The following MCTP1 variants were observed in gnomAD, a reference collection of about 807,000 sequenced individuals.
MCTP1 encodes multiple C2 and transmembrane domain containing 1, also known as multiple C2 and transmembrane domain-containing protein 1.
In MCTP1, 69 loss-of-function variants were observed where a neutral mutation model predicts 120.6. The observed-to-expected ratio is 0.57, with a 90% CI of 0.47 to 0.70. The LOEUF (loss-of-function observed/expected upper bound fraction) is 0.70. Ranked by LOEUF, MCTP1 falls within the 30% of genes least tolerant of loss-of-function variation. MCTP1 has a pLI of 0.00. For missense variants in MCTP1, 1,203 were observed against 1,248.8 expected (o/e 0.96, Z 0.55); for synonymous variants, 529 against 493.1 (o/e 1.07, Z -0.96).
At position 95,124,196 on chromosome 5, in the gene MCTP1, G is replaced by A. The variant is rs182622501; in HGVS notation, c.721-106712C>T. ...AAGCTTAGATCTCAGATAAATGAAGGTTTAAGATGAATTTTTACTTCTGAG... is the reference window on the plus strand; with the variant it reads ...AAGCTTAGATCTCAGATAAATGAAGATTTAAGATGAATTTTTACTTCTGAG... On this transcript the variant is annotated intron_variant, in intron 1 of 22. Transcript: ENST00000515393. 2.5e-3 allele frequency among the ~76,000 whole-genome samples: 378 copies of A among 152,234 alleles called. 5 individuals are homozygous for A. Among genetic ancestry groups the A allele is most frequent in the African/African-American group, 8.5e-3 (353 of 41,540 alleles).
chr5:95,272,298 CCTTT>C (rs1562293763), intron 1 of MCTP1, among the ~76,000 whole-genome samples: 1 of 152,112 alleles, frequency 6.6e-6, no homozygotes, highest in African/African-American at 2.4e-5. Context: ...GCCTGATTGT[CCTTT>C]CTTTATTTTC....
At chr5:94,932,653 T>C (rs1815086448) in intron 5 of MCTP1, among the ~76,000 whole-genome samples, 1 of 152,008 alleles carries the variant, frequency 6.6e-6, no homozygotes, top group African/African-American at 2.4e-5. Context: ...ATAAACTAAA[T>C]CATAAAAGCC....
chr5:94,708,810 G>C (rs763585132), intron 21 of MCTP1: 7 of 461,034 alleles, frequency 1.5e-5, no homozygotes, highest in Non-Finnish European at 2.4e-5. Flanking sequence ...TTCCAAGCAG[G>C]AAAGGCTTTC....
chr5:95,074,748 T>C (rs972298376), intron 1 of MCTP1, among the ~76,000 whole-genome samples: 1 of 152,160 alleles, frequency 6.6e-6, no homozygotes, highest in Non-Finnish European at 1.5e-5. Context: ...AAATATGTCC[T>C]TCCAAAAAAT....
chr5:94,849,179 A>T (rs140825486), intron 17 of MCTP1, among the ~76,000 whole-genome samples: 2,379 of 152,190 alleles, frequency 0.016, 42 homozygotes, highest in Non-Finnish European at 0.021. Context: ...GGAATTAGAC[A>T]CTCATCGGTG....
At chr5:95,219,125 T>C (rs1753373772) in intron 1 of MCTP1, among the ~76,000 whole-genome samples, 1 of 152,192 alleles carries the variant, frequency 6.6e-6, no homozygotes, top group East Asian at 1.9e-4. Context: ...CTCACGCCTG[T>C]AATCCCAGCA....
At chr5:95,034,632 C>T (rs1408876513) in intron 1 of MCTP1, among the ~76,000 whole-genome samples, 1 of 151,678 alleles carries the variant, frequency 6.6e-6, no homozygotes, top group Non-Finnish European at 1.5e-5. Flanking sequence ...TAGAAGAAAC[C>T]CTAGGAAAAA....
At chr5:94,711,397 T>C (rs1278688624) in intron 20 of MCTP1, among the ~76,000 whole-genome samples, 18 of 152,084 alleles carry the variant, frequency 1.2e-4, no homozygotes, top group Non-Finnish European at 2.9e-5. Context: ...CATGGTTGTG[T>C]TAAAAATCCT....
chr5:95,055,776 T>C (rs2152049668), intron 1 of MCTP1, among the ~76,000 whole-genome samples: 1 of 152,314 alleles, frequency 6.6e-6, no homozygotes, highest in African/African-American at 2.4e-5. Context: ...GGCCTCAGTT[T>C]CCTCACCTGT....
intron 19 of MCTP1, among the ~76,000 whole-genome samples, chr5:94,768,071 C>T (rs1773203471): frequency 6.6e-6 from 1 of 152,020 alleles, no homozygotes; most frequent in Non-Finnish European, 1.5e-5. Context: ...AACTAATAGA[C>T]CAGAACAGAG....
chr5:94,783,178 CAT>C (rs1353706609), intron 18 of MCTP1, among the ~76,000 whole-genome samples: 4 of 152,068 alleles, frequency 2.6e-5, no homozygotes, highest in Admixed American at 6.6e-5. Context: ...AAAAAACACA[CAT>C]AGACAGCCCC....
intron 1 of MCTP1, among the ~76,000 whole-genome samples, chr5:95,072,877 C>G (rs1752595770): frequency 6.6e-6 from 1 of 150,648 alleles, no homozygotes; most frequent in Non-Finnish European, 1.5e-5. Flanking sequence ...TCCCGATTAG[C>G]TGGGACTACA....
chr5:95,131,880 T>C (rs1303404094), intron 1 of MCTP1, among the ~76,000 whole-genome samples: 1 of 152,214 alleles, frequency 6.6e-6, no homozygotes, highest in Non-Finnish European at 1.5e-5. Context: ...TACTTAAGTG[T>C]GTTGTCCCTT....
intron 19 of MCTP1, among the ~76,000 whole-genome samples, chr5:94,776,580 G>C (rs187539934): frequency 2.6e-4 from 40 of 152,124 alleles, no homozygotes; most frequent in Admixed American, 5.9e-4. Context: ...ATTAAAGTGA[G>C]GCTTTGGCAC....
intron 1 of MCTP1, among the ~76,000 whole-genome samples, chr5:95,210,609 G>A (rs1286590000): frequency 6.7e-6 from 1 of 150,004 alleles, no homozygotes; most frequent in Admixed American, 6.7e-5. Flanking sequence ...GCACACTGAT[G>A]GGTCTTGACT....
chr5:95,097,382 A>C (rs1756351739), intron 1 of MCTP1, among the ~76,000 whole-genome samples: 1 of 152,224 alleles, frequency 6.6e-6, no homozygotes, highest in Non-Finnish European at 1.5e-5. Flanking sequence ...TATGGCGAGA[A>C]CCAGGGGAAG....
intron 1 of MCTP1, among the ~76,000 whole-genome samples, chr5:95,267,549 C>T (rs1414774465): frequency 3.3e-5 from 5 of 152,112 alleles, no homozygotes; most frequent in Admixed American, 6.6e-5. Flanking sequence ...CTATTTTTGT[C>T]GACATTTTTA....
At chr5:95,182,850 G>A (rs183073536) in intron 1 of MCTP1, among the ~76,000 whole-genome samples, 21 of 151,948 alleles carry the variant, frequency 1.4e-4, no homozygotes, top group Admixed American at 7.9e-4. Flanking sequence ...GGTAAAATCC[G>A]TCTCTACTAA....
intron 10 of MCTP1, among the ~76,000 whole-genome samples, chr5:94,897,916 A>C (rs1581240657): frequency 6.6e-6 from 1 of 152,190 alleles, no homozygotes; most frequent in East Asian, 1.9e-4. Context: ...CTCAGTTTCC[A>C]AGTATGAAAA....
Sources: gnomAD v4.1 joint callset for allele counts (sites outside exome capture counted in the v4.1 genomes callset) on GRCh38, gnomAD v4.1.1 for gene constraint, MANE v1.5 for transcripts, NCBI Gene and HGNC (gene_info 2026-07-23, HGNC 2026-07-21) for gene names.